The following DNER variants were observed in gnomAD, a reference collection of about 807,000 sequenced individuals.
DNER encodes the protein delta and Notch-like epidermal growth factor-related receptor.
Under a neutral mutation model 78.2 loss-of-function variants are expected in DNER, and 33 were observed. That is an observed-to-expected ratio of 0.42 (90% CI 0.32 to 0.56). The LOEUF is 0.56. Ranked by LOEUF, DNER falls within the 20% of genes least tolerant of loss-of-function variation. DNER has a pLI of 0.11. For synonymous variants in DNER, 417 were observed against 384.8 expected (o/e 1.08, Z -0.98); for missense variants, 918 against 975.3 (o/e 0.94, Z 0.78).
chr2:229,380,466 T>C lies in DNER; in HGVS notation c.1855+7799A>G, dbSNP rs143099053. On this transcript the variant is annotated intron_variant, in intron 11 of 12. Coordinates refer to ENST00000341772, the MANE Select transcript of DNER (RefSeq NM_139072.4). ...GTGACAGAGCGCGGAAGGGAGTTCT[T>C]ATGCAACTTTCCCAGGAAAAGAAGC... Among the ~76,000 whole-genome samples, 84 of 152,328 alleles carry C rather than the reference T, an allele frequency of 5.5e-4. 1 individual carries two copies. The highest frequency in any genetic ancestry group is 1.9e-3 in the African/African-American group (78 of 41,572).
At chr2:229,561,915 A>G (rs933231124) in intron 4 of DNER, among the ~76,000 whole-genome samples, 2 of 149,704 alleles carry the variant, frequency 1.3e-5, no homozygotes, top group African/African-American at 5.1e-5. Context: ...GAAATACCGT[A>G]TTGTACATTT....
rs112034096 is a variant in DNER at position 229,568,197 on chromosome 2, T to C, written c.847+17661A>G. On this transcript the variant is annotated intron_variant, in intron 4 of 12. Transcript: ENST00000341772. Reference sequence around the variant, plus strand: ...AGCCGTGTTCCAAGAGGCCCCCTGCTTTCATTTTATTTATTTTTTATTGTT... The same window carrying C: ...AGCCGTGTTCCAAGAGGCCCCCTGCCTTCATTTTATTTATTTTTTATTGTT... Among the ~76,000 whole-genome samples the C allele has an allele frequency of 5.6e-4, 85 of 152,322 alleles. 1 individual carries two copies. Among genetic ancestry groups the C allele is most frequent in the African/African-American group, 1.9e-3 (81 of 41,584 alleles).
chr2:229,476,130 TG>T (rs1695030479), intron 7 of DNER, among the ~76,000 whole-genome samples: 1 of 152,182 alleles, frequency 6.6e-6, no homozygotes, highest in Non-Finnish European at 1.5e-5. Context: ...GAGGGATGGC[TG>T]GGTGGGCCAC....
intron 1 of DNER, among the ~76,000 whole-genome samples, chr2:229,621,902 T>C (rs1465527627): frequency 2.0e-5 from 3 of 151,942 alleles, no homozygotes; most frequent in Non-Finnish European, 4.4e-5. Context: ...TAGCTAACAC[T>C]GTGAAACCCC....
At chr2:229,439,410 T>C (rs749151278) in intron 8 of DNER, among the ~76,000 whole-genome samples, 7 of 152,256 alleles carry the variant, frequency 4.6e-5, no homozygotes, top group Admixed American at 6.5e-5. Flanking sequence ...TCATTTGAGC[T>C]TCACAAGCCA....
intron 11 of DNER, among the ~76,000 whole-genome samples, chr2:229,380,976 G>A (rs940772467): frequency 6.6e-6 from 1 of 152,058 alleles, no homozygotes; most frequent in Non-Finnish European, 1.5e-5. Context: ...TGGAGGGGAG[G>A]CTGGCAAAAT....
At chr2:229,510,309 C>T (rs1032439794) in intron 6 of DNER, among the ~76,000 whole-genome samples, 5 of 152,162 alleles carry the variant, frequency 3.3e-5, no homozygotes, top group East Asian at 1.9e-4. Flanking sequence ...AATCTCACTG[C>T]GAAGGGATGC....
intron 1 of DNER, among the ~76,000 whole-genome samples, chr2:229,640,515 C>T (rs1315523981): frequency 6.6e-6 from 1 of 151,892 alleles, no homozygotes; most frequent in Non-Finnish European, 1.5e-5. Flanking sequence ...TGAGACTATT[C>T]AAAATATCTG....
intron 7 of DNER, among the ~76,000 whole-genome samples, chr2:229,460,967 A>C (rs10192000): frequency 6.6e-6 from 1 of 151,936 alleles, no homozygotes; most frequent in East Asian, 1.9e-4. Context: ...AGAAGTCTGC[A>C]AGTCAAAGCT....
chr2:229,510,159 G>T (rs770656224), intron 6 of DNER, among the ~76,000 whole-genome samples: 15 of 152,192 alleles, frequency 9.9e-5, no homozygotes, highest in South Asian at 2.1e-4. Context: ...TGAAACCAGG[G>T]CAAGGGAGAC....
At chr2:229,495,854 T>A (rs1342139012) in intron 6 of DNER, among the ~76,000 whole-genome samples, 3 of 152,246 alleles carry the variant, frequency 2.0e-5, no homozygotes, top group African/African-American at 7.2e-5. Flanking sequence ...TATTTGCTGC[T>A]CACTCATTCT....
intron 1 of DNER, among the ~76,000 whole-genome samples, chr2:229,626,024 A>G (rs1698337158): frequency 6.6e-6 from 1 of 151,898 alleles, no homozygotes; most frequent in Non-Finnish European, 1.5e-5. Flanking sequence ...GGTTCACGCC[A>G]TTCTCCTGCC....
chr2:229,397,463 C>CAAAAAAAAAAAAAAAAAAA lies in DNER; in HGVS notation c.1724-9068_1724-9067insTTTTTTTTTTTTTTTTTTT, dbSNP rs763572496. On this transcript the variant is annotated intron_variant, in intron 10 of 12. Transcript: ENST00000341772. Reference sequence around the variant, plus strand: ...ACTGCTCCACTCCAGCCAAACACTACAAAAAAAAAAAAAAAACTGCAAGTC... The same window carrying CAAAAAAAAAAAAAAAAAAA: ...ACTGCTCCACTCCAGCCAAACACTACAAAAAAAAAAAAAAAAAAAAAAAAAAAAAAAAAAACTGCAAGTC... Among the ~76,000 whole-genome samples the CAAAAAAAAAAAAAAAAAAA allele has an allele frequency of 7.9e-4, 76 of 96,504 alleles. 4 individuals carry two copies. Among genetic ancestry groups the CAAAAAAAAAAAAAAAAAAA allele is most frequent in the Middle Eastern group, 7.1e-3 (1 of 140 alleles). 63.3% of individuals were successfully genotyped at this position (96,504 alleles called of 152,430 possible).
chr2:229,627,082 T>C (rs1198273726), intron 1 of DNER, among the ~76,000 whole-genome samples: 2 of 152,204 alleles, frequency 1.3e-5, no homozygotes, highest in Non-Finnish European at 2.9e-5. Context: ...TCAGAATGTC[T>C]CTTTGTATGC....
intron 9 of DNER, among the ~76,000 whole-genome samples, chr2:229,411,761 A>G (rs571181856): frequency 1.3e-5 from 2 of 152,318 alleles, no homozygotes; most frequent in South Asian, 4.1e-4. Flanking sequence ...TTACAAAGCC[A>G]TTTAAAATAA....
intron 1 of DNER, among the ~76,000 whole-genome samples, chr2:229,644,354 T>C (rs1195007707): frequency 2.6e-5 from 3 of 117,512 alleles, no homozygotes; most frequent in Admixed American, 8.6e-5. Flanking sequence ...TTTTTTTTTT[T>C]TTTTTTTGAG....
intron 1 of DNER, among the ~76,000 whole-genome samples, chr2:229,676,563 TA>T (rs965520390): frequency 7.2e-5 from 11 of 152,166 alleles, no homozygotes; most frequent in African/African-American, 2.7e-4. Flanking sequence ...TTTGCTCTAG[TA>T]AAGGACTGTT....
At chr2:229,534,685 A>T (rs1574889706) in intron 5 of DNER, among the ~76,000 whole-genome samples, 1 of 152,240 alleles carries the variant, frequency 6.6e-6, no homozygotes, top group Non-Finnish European at 1.5e-5. Flanking sequence ...TTTAAAACAG[A>T]CATTAAAGAA....
chr2:229,711,423 C>T (rs1699911010), intron 1 of DNER, among the ~76,000 whole-genome samples: 1 of 152,144 alleles, frequency 6.6e-6, no homozygotes, highest in Admixed American at 6.5e-5. Flanking sequence ...CCCACACGAC[C>T]TACAATTCCC....
Sources: gnomAD v4.1 joint callset for allele counts (sites outside exome capture counted in the v4.1 genomes callset) on GRCh38, gnomAD v4.1.1 for gene constraint, MANE v1.5 for transcripts, NCBI Gene and HGNC (gene_info 2026-07-23, HGNC 2026-07-21) for gene names.